The following ZNF169 variants were observed in gnomAD, a reference collection of about 807,000 sequenced individuals.
ZNF169 encodes zinc finger protein 169.
In ZNF169, 11 loss-of-function variants were observed where a neutral mutation model predicts 12.0. The observed-to-expected ratio is 0.92, with a 90% CI of 0.58 to 1.52. The LOEUF is 1.52. ZNF169 is among the 40% of genes most tolerant of loss of function. The pLI, the probability that ZNF169 is intolerant of heterozygous loss-of-function variation, is 0.00. For synonymous variants in ZNF169, 302 were observed against 286.5 expected, an observed-to-expected ratio of 1.05 and a Z score of -0.55; for missense variants, 722 against 744.0, an observed-to-expected ratio of 0.97 and a Z score of 0.34.
chr9:94,266,197 G>T (rs962573295), intron 1 of ZNF169, among the ~76,000 whole-genome samples: 1 of 151,770 alleles, frequency 6.6e-6, no homozygotes, highest in African/African-American at 2.4e-5. Context: ...TTGTATAAGG[G>T]CACTGACTTT....
intron 2 of ZNF169, among the ~76,000 whole-genome samples, chr9:94,280,788 G>A (rs1030986581): frequency 2.0e-5 from 3 of 152,132 alleles, no homozygotes; most frequent in Admixed American, 6.5e-5. Context: ...GGGGGTACCA[G>A]CCAGAGTGGT....
At chr9:94,264,655 A>T (rs1271584137) in intron 1 of ZNF169, among the ~76,000 whole-genome samples, 1 of 152,200 alleles carries the variant, frequency 6.6e-6, no homozygotes, top group Non-Finnish European at 1.5e-5. Context: ...GCTTTTTAAA[A>T]ATCAGATTTA....
At position 94,300,239 on chromosome 9, in the gene ZNF169, G is replaced by C. The variant is rs988667338; in HGVS notation, c.681G>C (p.Leu227=). 8 of 1,614,220 alleles carry C rather than the reference G, an allele frequency of 5.0e-6. No individual in the cohort carries two copies. The highest frequency in any genetic ancestry group is 6.8e-6 in the Non-Finnish European group (8 of 1,180,034). ...TGGGACTTAGCAAAAAGTCAAGCCT[G>C]TTCAGCCACCAGAAGCATCATGTGT... ...YRLGLSKKSS[L]FSHQKHHVCP... The change falls in exon 5 of 5, where the codon CTG becomes CTC. Residue 227 remains leucine, a synonymous_variant. Coordinates refer to ENST00000395395, the MANE Select transcript of ZNF169 (RefSeq NM_194320.4).
In ZNF169 at chr9:94,301,299, C is replaced by G; in HGVS notation, c.1741C>G (p.Gln581Glu). 4 of 1,614,222 alleles carry G rather than the reference C, an allele frequency of 2.5e-6. No individual in the cohort carries two copies. Among genetic ancestry groups the G allele is most frequent in the Non-Finnish European group, 3.4e-6 (4 of 1,180,050 alleles). The change falls in exon 5 of 5, where the codon CAG becomes GAG. Residue 581 changes from glutamine to glutamate, a missense_variant. Physicochemically the swap from Gln to Glu is conservative, Grantham distance 29 (BLOSUM62 2). Coordinates refer to ENST00000395395, the MANE Select transcript of ZNF169 (RefSeq NM_194320.4). ...CAGGGAGTGTGGGCGTGGCTTTAGC[C>G]AGAAGTCTCACTTGCATAGACACAG... ...VCRECGRGFS[Q>E]KSHLHRHRRT...
At chr9:94,276,573 T>C (rs545281162) in intron 1 of ZNF169, among the ~76,000 whole-genome samples, 141 of 152,234 alleles carry the variant, frequency 9.3e-4, no homozygotes, top group African/African-American at 3.1e-3. Context: ...TTTGTATTTT[T>C]AGTAGAAACA....
intron 1 of ZNF169, among the ~76,000 whole-genome samples, chr9:94,276,799 T>C (rs1194887659): frequency 6.6e-6 from 1 of 152,226 alleles, no homozygotes; most frequent in Admixed American, 6.5e-5. Context: ...AAGTGTTGCA[T>C]TTTTAAAAAG....
intron 2 of ZNF169, among the ~76,000 whole-genome samples, chr9:94,285,546 GCTCA>G (rs1830707060): frequency 6.6e-6 from 1 of 152,092 alleles, no homozygotes; most frequent in African/African-American, 2.4e-5. Flanking sequence ...GATTTTAAAA[GCTCA>G]CTGAGTAAAT....
chr9:94,277,596 C>T (rs2118589092), intron 1 of ZNF169, among the ~76,000 whole-genome samples: 1 of 152,158 alleles, frequency 6.6e-6, no homozygotes, highest in Non-Finnish European at 1.5e-5. Flanking sequence ...GTTTGTAGGG[C>T]ACGACTCCCC....
At chr9:94,269,862 C>T (rs1830360012) in intron 1 of ZNF169, among the ~76,000 whole-genome samples, 1 of 152,144 alleles carries the variant, frequency 6.6e-6, no homozygotes, top group South Asian at 2.1e-4. Context: ...GAAGACCTTC[C>T]TCTGGAGCCT....
In ZNF169 at chr9:94,288,341, A is replaced by G. The variant is rs949477827; in HGVS notation, c.34-4000A>G. On this transcript the variant is annotated intron_variant, in intron 2 of 4. Coordinates refer to ENST00000395395, the MANE Select transcript of ZNF169 (RefSeq NM_194320.4). ...TTGTCGGTGTTCTATTTCTCTGTAA[A>G]TGCCAGGCCATATTCAGTCCATCTG... The G allele has an allele frequency of 6.8e-6, 7 of 1,023,896 alleles. No homozygotes were observed. The African/African-American group carries it at 7.8e-5, about 11-fold the overall frequency. 63.4% of individuals were successfully genotyped at this position (1,023,896 alleles called of 1,614,324 possible).
At chr9:94,273,506 G>A (rs1043749524) in intron 1 of ZNF169, among the ~76,000 whole-genome samples, 1 of 150,562 alleles carries the variant, frequency 6.6e-6, no homozygotes, top group Non-Finnish European at 1.5e-5. Context: ...TCTTGAGATG[G>A]GAGCTGAGTT....
At chr9:94,292,528 G>C (rs1830863550) in intron 3 of ZNF169, 61 bp downstream of exon 3, 3 of 1,567,192 alleles carry the variant, frequency 1.9e-6, no homozygotes, top group Non-Finnish European at 2.6e-6. Flanking sequence ...CTCTTACATA[G>C]CAAGCTGCCA....
At chr9:94,262,894 A>G (rs1401010495) in intron 1 of ZNF169, among the ~76,000 whole-genome samples, 2 of 152,168 alleles carry the variant, frequency 1.3e-5, no homozygotes. Context: ...ATTTCCAAGT[A>G]TTTGGAGGGT....
intron 4 of ZNF169, chr9:94,295,497 A>G (rs1472395956): frequency 1.3e-5 from 2 of 152,170 alleles, no homozygotes; most frequent in Non-Finnish European, 2.9e-5. Flanking sequence ...AGCTAAAGTA[A>G]CAAGCATGTC....
rs1448488768 is a variant in ZNF169 at position 94,300,496 on chromosome 9, C to G, written c.938C>G (p.Ser313Cys). The part of the protein sequence containing the change: ...SSLTNHKRIH[S>C]GERPFVCQEC... Reference sequence around the variant, plus strand: ...CTCACTAATCACAAGAGGATTCACTCCGGGGAGAGGCCCTTTGTATGTCAG... The same window carrying G: ...CTCACTAATCACAAGAGGATTCACTGCGGGGAGAGGCCCTTTGTATGTCAG... Residue 313 changes from serine to cysteine, a missense_variant, in exon 5 of 5, where the codon TCC becomes TGC. Transcript: ENST00000395395. 3 of 1,614,202 alleles carry G rather than the reference C, an allele frequency of 1.9e-6. No individual in the cohort carries two copies. The highest frequency in any genetic ancestry group is 1.3e-5 in the African/African-American group (1 of 75,054).
intron 2 of ZNF169, among the ~76,000 whole-genome samples, chr9:94,279,157 C>T (rs577452277): frequency 2.8e-4 from 42 of 152,078 alleles, no homozygotes; most frequent in African/African-American, 1.0e-3. Flanking sequence ...TTTGGGAGGC[C>T]GAGGCGGGAG....
chr9:94,275,049 GACAA>G (rs1307778066), intron 1 of ZNF169, among the ~76,000 whole-genome samples: 1 of 152,042 alleles, frequency 6.6e-6, no homozygotes, highest in Non-Finnish European at 1.5e-5. Flanking sequence ...GACCAGCCTG[GACAA>G]ACAGTGAGAC....
In ZNF169 at chr9:94,292,416, ACC is replaced by A. The variant is rs1231088454; in HGVS notation, c.111_112del (p.Leu38ValfsTer50). On this transcript the variant is annotated frameshift_variant, in exon 3 of 5. Coordinates refer to ENST00000395395, the MANE Select transcript of ZNF169 (RefSeq NM_194320.4). LOFTEE classifies it high-confidence loss of function. Reference sequence around the variant, plus strand: ...GAAGCTATTGAGTTCTGCTCAGAGGACCCTGTACAGGGAGGTGATGCTGGAGA... The same window carrying A: ...GAAGCTATTGAGTTCTGCTCAGAGGACTGTACAGGGAGGTGATGCTGGAGA... ...EWKLLSSAQR[T>X]LYREVMLENY... 1.2e-6 allele frequency: 2 copies of A among 1,613,804 alleles called. No homozygotes were observed. Among genetic ancestry groups the A allele is most frequent in the African/African-American group, 2.7e-5 (2 of 74,820 alleles).
intron 1 of ZNF169, among the ~76,000 whole-genome samples, chr9:94,263,219 A>G (rs1025094916): frequency 2.6e-5 from 4 of 152,160 alleles, no homozygotes; most frequent in Non-Finnish European, 5.9e-5. Context: ...CAATTTCTCC[A>G]TCGAGTTCTG....
Sources: allele counts gnomAD v4.1 joint callset (sites outside exome capture counted in the v4.1 genomes callset), GRCh38; gene constraint gnomAD v4.1.1; transcripts MANE v1.5; gene names NCBI Gene and HGNC (gene_info 2026-07-23, HGNC 2026-07-21).